FADS6: variants seen among roughly 807,000 people sequenced by gnomAD.
The protein encoded by FADS6 is fatty acid desaturase domain family, member 6.
FADS6 carries 28 observed loss-of-function variants against 31.7 expected under a neutral mutation model. That is an observed-to-expected ratio of 0.88 (90% confidence interval 0.66 to 1.21). FADS6 has a LOEUF of 1.21. Ranked by LOEUF, FADS6 falls within the 50% of genes most tolerant of loss-of-function variation. The pLI, the probability that FADS6 is intolerant of heterozygous loss-of-function variation, is 0.00. For missense variants in FADS6, 494 were observed against 504.2 expected (o/e 0.98, Z 0.19); for synonymous variants, 191 against 213.1 (o/e 0.90, Z 0.90).
intron 2 of FADS6, among the ~76,000 whole-genome samples, chr17:74,886,484 C>T (rs1041251815): frequency 9.6e-6 from 1 of 104,688 alleles, no homozygotes; most frequent in African/African-American, 3.7e-5. Flanking sequence ...AAAAAAAAAA[C>T]TAAAAGAGGA....
intron 1 of FADS6, 68 bp from the exon 2 acceptor site, chr17:74,892,757 A>G: frequency 6.9e-7 from 1 of 1,445,766 alleles, no homozygotes; most frequent in South Asian, 1.4e-5. Flanking sequence ...AAATACCTCA[A>G]CCCTTACCCT....
chr17:74,886,353 G>A lies in FADS6; in HGVS notation c.412-3643C>T, dbSNP rs201534084. ...TGCACGCCTGTACTCCCAGCTACTT[G>A]GGAGGCTGAGGTAAGAGAATCACTG... is the stretch of plus-strand genomic sequence containing the variant. On this transcript the variant is annotated intron_variant, in intron 2 of 5. Transcript: ENST00000612771. Among the ~76,000 whole-genome samples the A allele has an allele frequency of 3.3e-4, 50 of 149,542 alleles. No homozygotes were observed. The East Asian group carries it at 3.7e-3, about 11-fold the overall frequency.
chr17:74,886,450 A>C (rs1293610011), intron 2 of FADS6, among the ~76,000 whole-genome samples: 1 of 115,990 alleles, frequency 8.6e-6, no homozygotes. Flanking sequence ...ATACAGTGAA[A>C]TCCTGTCTAA....
At chr17:74,884,065 T>A (rs1282564465) in intron 2 of FADS6, among the ~76,000 whole-genome samples, 1 of 152,144 alleles carries the variant, frequency 6.6e-6, no homozygotes, top group African/African-American at 2.4e-5. Context: ...CCCAGGGCCT[T>A]GTCCCTGGGA....
intron 1 of FADS6, 62 bp from the exon 2 acceptor site, chr17:74,892,751 A>T: frequency 1.3e-6 from 2 of 1,481,614 alleles, no homozygotes; most frequent in Non-Finnish European, 1.8e-6. Context: ...GGGCCCAAAT[A>T]CCTCAACCCT....
Position 74,888,142 on chromosome 17 carries a change from A to ACG in FADS6, c.411+4380_411+4381insCG, listed in dbSNP as rs767299409. ...GCTGAGACACCACACACACACACAC[A>ACG]CACACACACACACGCGCGCGCGCGC... On this transcript the variant is annotated intron_variant, in intron 2 of 5. Transcript: ENST00000612771. Among the ~76,000 whole-genome samples, 402 of 109,692 alleles carry ACG rather than the reference A, an allele frequency of 3.7e-3. 3 individuals carry two copies. Among genetic ancestry groups the ACG allele is most frequent in the East Asian group, 0.013 (36 of 2,832 alleles). 72.0% of individuals were successfully genotyped at this position (109,692 alleles called of 152,430 possible). A position where few individuals can be genotyped will look rare whatever the true frequency, so the allele number is the denominator to read the frequency against.
Position 74,893,363 on chromosome 17 carries a change from G to A in FADS6, c.233C>T (p.Ala78Val). The change falls in exon 1 of 6, where the codon GCC (alanine) becomes GTC (valine). Residue 78 changes from alanine to valine, a missense_variant. Transcript: ENST00000612771. Reference protein sequence around the residue: ...DCAILALSLFALPAGFLCLRW... With the variant: ...DCAILALSLFVLPAGFLCLRW... The stretch of plus-strand genomic sequence containing the variant: ...CCCGCGTTCCTCACCTGCCGGCAAG[G>A]CGAAGAGGCTGAGCGCGAGGATGGC... The A allele has an allele frequency of 2.0e-6, 3 of 1,522,538 alleles. No homozygotes were observed. In the South Asian group the frequency reaches 3.7e-5, roughly 19 times the overall value. The allele number at this position is 1,522,538 out of a possible 1,614,324, so 94.3% of individuals were successfully genotyped here. A position where few individuals can be genotyped will look rare whatever the true frequency, so the allele number is the denominator to read the frequency against.
chr17:74,881,233 G>A lies in FADS6; in HGVS notation c.615C>T (p.Leu205=), dbSNP rs761674691. ...GGGCCAGCGTCCGCAGGGCTGTCCC[G>A]AGCTCCACCTTCCTCAGCCGCTCTG... is the stretch of plus-strand genomic sequence containing the variant. The part of the protein sequence containing the change: ...VAVERLRKVE[L]GTALRTLALI... The change falls in exon 4 of 6, where the codon CTC becomes CTT. Residue 205 remains leucine (L), a synonymous_variant. Transcript: ENST00000612771. 37 of 1,601,758 alleles carry A rather than the reference G, an allele frequency of 2.3e-5. No individual in the cohort carries two copies. The highest frequency in any genetic ancestry group is 1.7e-4 in the Middle Eastern group (1 of 6,050).
chr17:74,883,177 C>G (rs2038591348), intron 2 of FADS6, among the ~76,000 whole-genome samples: 1 of 152,238 alleles, frequency 6.6e-6, no homozygotes, highest in Non-Finnish European at 1.5e-5. Context: ...AGCAGGGACA[C>G]CATCCCCTGA....
chr17:74,889,026 A>T (rs1170693497), intron 2 of FADS6, among the ~76,000 whole-genome samples: 2 of 152,186 alleles, frequency 1.3e-5, no homozygotes, highest in Non-Finnish European at 2.9e-5. Context: ...ACCAGGAGGG[A>T]TAGAACTTTC....
At chr17:74,893,100 C>T (rs1244335938) in intron 1 of FADS6, among the ~76,000 whole-genome samples, 3 of 130,740 alleles carry the variant, frequency 2.3e-5, no homozygotes, top group African/African-American at 1.0e-4. Context: ...CTCAACTTTC[C>T]CTTCCACCAC....
intron 2 of FADS6, among the ~76,000 whole-genome samples, chr17:74,886,238 C>CAAAAAAAAA (rs550950451): frequency 2.4e-5 from 1 of 42,144 alleles, no homozygotes; most frequent in Admixed American, 2.6e-4. Context: ...GATTCCATCT[C>CAAAAAAAAA]AAAAAAAAAA....
chr17:74,888,146 ACACACACACGCGCGCG>A (rs1466971110), intron 2 of FADS6, among the ~76,000 whole-genome samples: 4,495 of 113,618 alleles, frequency 0.04, 107 homozygotes, highest in Middle Eastern at 0.065. Context: ...ACACACACAC[ACACACACACGCGCGCG>A]CGCGCGCGCG....
At chr17:74,874,902 G>A (rs2038496244), downstream of FADS6, among the ~76,000 whole-genome samples, 1 of 152,124 alleles carries the variant, frequency 6.6e-6, no homozygotes, top group Non-Finnish European at 1.5e-5. Context: ...AGATCATATG[G>A]TTCGCAAAGC....
At chr17:74,887,965 C>A (rs1002401452) in intron 2 of FADS6, among the ~76,000 whole-genome samples, 1 of 152,152 alleles carries the variant, frequency 6.6e-6, no homozygotes, top group Non-Finnish European at 1.5e-5. Flanking sequence ...GGATTACAGG[C>A]GTGAGCCACT....
chr17:74,882,331 T>C (rs964547268), intron 3 of FADS6, among the ~76,000 whole-genome samples, 199 bp downstream of exon 3: 4 of 152,248 alleles, frequency 2.6e-5, no homozygotes, highest in African/African-American at 9.6e-5. Flanking sequence ...TTAAGTTATC[T>C]GCCCATAGTC....
At position 74,878,259 on chromosome 17, in the gene FADS6, CT is replaced by C; in HGVS notation, c.*71del. 1 of 1,522,056 alleles carries C rather than the reference CT, an allele frequency of 6.6e-7. No homozygotes were observed. Among genetic ancestry groups the C allele is most frequent in the Non-Finnish European group, 8.8e-7 (1 of 1,134,142 alleles). The allele number at this position is 1,522,056 out of a possible 1,614,324, so 94.3% of individuals were successfully genotyped here. A position where few individuals can be genotyped will look rare whatever the true frequency, so the allele number is the denominator to read the frequency against. On this transcript the variant is annotated 3_prime_UTR_variant, in exon 6 of 6. Coordinates refer to ENST00000612771, the MANE Select transcript of FADS6 (RefSeq NM_178128.6). ...ACCACCAGCCACTGAGCCACACCCC[CT>C]GGACCAGCAGCAGCAGGAGGGCCAG...
intron 2 of FADS6, among the ~76,000 whole-genome samples, chr17:74,883,524 C>T (rs751776302): frequency 3.9e-5 from 6 of 152,204 alleles, no homozygotes; most frequent in Non-Finnish European, 8.8e-5. Context: ...GAAAGGACAG[C>T]GGAACACCCC....
intron 2 of FADS6, among the ~76,000 whole-genome samples, chr17:74,885,428 C>G (rs2038613134): frequency 6.6e-6 from 1 of 152,158 alleles, no homozygotes; most frequent in East Asian, 1.9e-4. Context: ...GTCCATGGAG[C>G]CCCAGAAGCC....
Sources: allele counts gnomAD v4.1 joint callset (sites outside exome capture counted in the v4.1 genomes callset), GRCh38; gene constraint gnomAD v4.1.1; transcripts MANE v1.5; gene names NCBI Gene and HGNC (gene_info 2026-07-23, HGNC 2026-07-21).